The following MAP1S variants were observed in gnomAD, a reference collection of about 807,000 sequenced individuals.
MAP1S encodes microtubule associated protein 1S, also known as microtubule-associated protein 1S.
In MAP1S, 27 loss-of-function variants were observed where a neutral mutation model predicts 60.9. The ratio of observed to expected loss-of-function variants is 0.44; its 90% confidence interval spans 0.33 to 0.61. MAP1S has a LOEUF of 0.61. Ranked by LOEUF, MAP1S falls within the 20% of genes least tolerant of loss-of-function variation. The probability of loss-of-function intolerance (pLI) is 0.03; values close to 1 mark genes in which losing one functional copy is unlikely to be tolerated. For synonymous variants in MAP1S, 826 were observed against 694.2 expected (o/e 1.19, Z -2.98); for missense variants, 1,608 against 1,486.6 (o/e 1.08, Z -1.34).
Position 17,724,227 on chromosome 19 carries a change from C to T in MAP1S, c.303+19C>T. The T allele has an allele frequency of 6.2e-7, 1 of 1,608,484 alleles. No individual in the cohort carries two copies. The highest frequency in any genetic ancestry group is 1.1e-5 in the South Asian group (1 of 90,966). On this transcript the variant is annotated intron_variant, in intron 3 of 6. Coordinates refer to ENST00000324096, the MANE Select transcript of MAP1S (RefSeq NM_018174.6). The stretch of plus-strand genomic sequence containing the variant: ...TGATGAGGTAGGGAATGGCTGACGT[C>T]CTGGAGGGGGCGGGCTGCTGGGACC...
chr19:17,733,151 C>A, intron 5 of MAP1S, 42 bp from the exon 6 acceptor site: 2 of 1,366,458 alleles, frequency 1.5e-6, no homozygotes, highest in Non-Finnish European at 2.0e-6. Context: ...CCCTCCCCAG[C>A]CCCAGGAGCT....
intron 1 of MAP1S, 123 bp downstream of exon 1, chr19:17,719,743 G>A (rs1204991688): frequency 7.1e-6 from 2 of 280,744 alleles, no homozygotes; most frequent in Non-Finnish European, 5.4e-6. Context: ...CGGGGCGGGG[G>A]TCGCGGGCCT....
intron 2 of MAP1S, among the ~76,000 whole-genome samples, chr19:17,723,271 G>T (rs1007058378): frequency 5.3e-5 from 8 of 152,236 alleles, no homozygotes; most frequent in Non-Finnish European, 1.2e-4. Context: ...GGCCGGATGG[G>T]TGCAGTGGGT....
At chr19:17,732,924 C>T in intron 5 of MAP1S, 2 of 468,724 alleles carry the variant, frequency 4.3e-6, no homozygotes, top group Non-Finnish European at 7.5e-6. Context: ...TGGTGACATG[C>T]ACCTGTAGTC....
Position 17,727,397 on chromosome 19 carries a change from A to C in MAP1S, c.2013A>C (p.Thr671=). 6.3e-7 allele frequency: 1 copy of C among 1,596,570 alleles called. No individual in the cohort carries two copies. ...AGGCCGGGCCAGACGCCTCACCCAC[A>C]GTGACCACACCCACGGTGACCACGC... ...GGEAGPDASP[T]VTTPTVTTPS... The change falls in exon 5 of 7, where the codon ACA becomes ACC. Residue 671 remains threonine (T), a synonymous_variant. Coordinates refer to ENST00000324096, the MANE Select transcript of MAP1S (RefSeq NM_018174.6). This position sits in a 1 kb window ranked among gnomAD's most constrained non-coding sequence, Gnocchi z 4.1.
intron 2 of MAP1S, among the ~76,000 whole-genome samples, chr19:17,723,700 CTT>C (rs1323548522): frequency 6.6e-6 from 1 of 150,818 alleles, no homozygotes; most frequent in African/African-American, 2.4e-5. Flanking sequence ...AATACAAAAA[CTT>C]AGCCGGGTGT....
rs749473307 is a variant in MAP1S at position 17,727,971 on chromosome 19, C to T, written c.2587C>T (p.Arg863Trp). ...GCAAACGGAGAACGTCAGCCGCACC[C>T]GGAAGCCCCTGGCCCGCCCCAACTC... ...ARQTENVSRT[R>W]KPLARPNSRA... The change falls in exon 5 of 7, where the codon CGG becomes TGG. Residue 863 changes from arginine to tryptophan, a missense_variant. Arg to Trp is a moderately radical substitution (Grantham distance 101). Transcript: ENST00000324096. The surrounding 1 kb of genome is among the most constrained non-coding windows in gnomAD (Gnocchi z 4.1). 11 of 1,608,788 alleles carry T rather than the reference C, an allele frequency of 6.8e-6. No individual in the cohort carries two copies. Among genetic ancestry groups the T allele is most frequent in the Middle Eastern group, 1.6e-4 (1 of 6,064 alleles).
intron 1 of MAP1S, chr19:17,720,706 G>T (rs1213264978): frequency 1.1e-5 from 7 of 624,816 alleles, no homozygotes; most frequent in African/African-American, 3.7e-5. Flanking sequence ...GATGGAGGAG[G>T]TGGAGGCTTT....
Position 17,728,099 on chromosome 19 carries a change from C to T in MAP1S, c.2715C>T (p.Pro905=), listed in dbSNP as rs2080459977. Residue 905 remains proline (P), a synonymous_variant, in exon 5 of 7, where the codon CCC becomes CCT. Transcript: ENST00000324096. ...ASRPLSARSE[P]SEKGGRAPLS... Reference sequence around the variant, plus strand: ...GACCACTCAGTGCCCGGAGTGAGCCCAGTGAGAAGGGAGGCCGGGCACCCC... The same window carrying T: ...GACCACTCAGTGCCCGGAGTGAGCCTAGTGAGAAGGGAGGCCGGGCACCCC... 6.2e-7 allele frequency: 1 copy of T among 1,612,284 alleles called. No individual in the cohort carries two copies. Among genetic ancestry groups the T allele is most frequent in the Admixed American group, 1.7e-5 (1 of 59,926 alleles).
At chr19:17,724,019 G>C (rs999784048) in intron 2 of MAP1S, 107 bp from the exon 3 acceptor site, 37 of 793,584 alleles carry the variant, frequency 4.7e-5, no homozygotes, top group Non-Finnish European at 6.4e-5. Context: ...CCGTGCGCCT[G>C]TTAATCTCCA....
intron 2 of MAP1S, among the ~76,000 whole-genome samples, chr19:17,722,571 A>G (rs1320572263): frequency 6.6e-6 from 1 of 152,108 alleles, no homozygotes. Context: ...CAGTATGGTG[A>G]CACCCCATCT....
intron 2 of MAP1S, among the ~76,000 whole-genome samples, chr19:17,723,552 AAAAAAG>A (rs1282686378): frequency 6.8e-6 from 1 of 147,998 alleles, no homozygotes; most frequent in Non-Finnish European, 1.5e-5. Context: ...CCGTCTCAAA[AAAAAAG>A]AAAAGAAAAA....
intron 6 of MAP1S, 63 bp from the exon 7 acceptor site, chr19:17,734,210 G>A: frequency 6.9e-7 from 1 of 1,439,274 alleles, no homozygotes; most frequent in East Asian, 2.4e-5. Context: ...CAGGCCAGAA[G>A]GGCAGGGGGC....
At chr19:17,732,891 G>C (rs1344099913) in intron 5 of MAP1S, 1 of 396,862 alleles carries the variant, frequency 2.5e-6, no homozygotes, top group African/African-American at 2.1e-5. Flanking sequence ...TAGAGTGAGT[G>C]AAGAGTCACT....
Position 17,727,428 on chromosome 19 carries a change from C to G in MAP1S, c.2044C>G (p.Leu682Val). 3 of 1,601,658 alleles carry G rather than the reference C, an allele frequency of 1.9e-6. No homozygotes were observed. The highest frequency in any genetic ancestry group is 2.6e-6 in the Non-Finnish European group (3 of 1,174,746). Reference sequence around the variant, plus strand: ...CACACCCACGGTGACCACGCCCTCACTACCCGCAGAGGTGGGCTCCCCGCA... The same window carrying G: ...CACACCCACGGTGACCACGCCCTCAGTACCCGCAGAGGTGGGCTCCCCGCA... ...VTTPTVTTPS[L>V]PAEVGSPHST... Residue 682 changes from leucine to valine, a missense_variant, in exon 5 of 7, where the codon CTA becomes GTA. By Grantham distance (32) the Leu-to-Val change is conservative (BLOSUM62 1). Around this residue, in one of 4 missense-constraint regions of MAP1S, gnomAD observed 1,167 missense variants for 961.4 expected, o/e 1.21. Coordinates refer to ENST00000324096, the MANE Select transcript of MAP1S (RefSeq NM_018174.6). The surrounding 1 kb of genome is among the most constrained non-coding windows in gnomAD (Gnocchi z 4.1).
Position 17,734,458 on chromosome 19 carries a change from C to T in MAP1S, c.*30C>T, listed in dbSNP as rs2080522022. On this transcript the variant is annotated 3_prime_UTR_variant, in exon 7 of 7. Transcript: ENST00000324096. Reference sequence around the variant, plus strand: ...ATCGCCGACACGCCCCCCACTCAGCCCAGCCCGCCTGTCCCTAGATTCAGC... The same window carrying T: ...ATCGCCGACACGCCCCCCACTCAGCTCAGCCCGCCTGTCCCTAGATTCAGC... The T allele has an allele frequency of 6.3e-7, 1 of 1,587,662 alleles. No homozygotes were observed.
Position 17,726,792 on chromosome 19 carries a change from G to T in MAP1S, c.1408G>T (p.Ala470Ser). 1.3e-6 allele frequency: 2 copies of T among 1,557,780 alleles called. No homozygotes were observed. Among genetic ancestry groups the T allele is most frequent in the Non-Finnish European group, 1.7e-6 (2 of 1,152,454 alleles). Residue 470 changes from alanine to serine, a missense_variant, in exon 5 of 7, where the codon GCC (alanine) becomes TCC (serine). By Grantham distance (99) the Ala-to-Ser change is moderately conservative (BLOSUM62 1). Around this residue, in one of 4 missense-constraint regions of MAP1S, gnomAD observed 1,167 missense variants for 961.4 expected, o/e 1.21. Coordinates refer to ENST00000324096, the MANE Select transcript of MAP1S (RefSeq NM_018174.6). The stretch of plus-strand genomic sequence containing the variant: ...CCAGGACCTGGAGGGGCCGGGGCGA[G>T]CCGAGAGCAAAGAGAGCGTGGGCTC... ...TPQDLEGPGR[A>S]ESKESVGSRD...
chr19:17,734,255 C>A lies in MAP1S; in HGVS notation c.3025-18C>A, dbSNP rs145659666. 1,055 of 1,588,522 alleles carry A rather than the reference C, an allele frequency of 6.6e-4. 2 individuals carry two copies. The highest frequency in any genetic ancestry group is 1.5e-3 in the African/African-American group (112 of 74,458). On this transcript the variant is annotated intron_variant, in intron 6 of 6. Coordinates refer to ENST00000324096, the MANE Select transcript of MAP1S (RefSeq NM_018174.6). ...ACTGGTGGTCCACTCTCCCCACACA[C>A]CCCCCCTCCACCTGCAGGTGACCCT... is the stretch of plus-strand genomic sequence containing the variant.
chr19:17,727,259 G>A lies in MAP1S; in HGVS notation c.1875G>A (p.Glu625=). ...CAGCCGGGGAGGAGAAGGCACTGGA[G>A]CTGCCTTTGGCCGCCAGCTCAATCC... The part of the protein sequence containing the change: ...PIPAGEEKAL[E]LPLAASSIPR... The change falls in exon 5 of 7, where the codon GAG becomes GAA. Residue 625 remains glutamate, a synonymous_variant. Transcript: ENST00000324096. This position sits in a 1 kb window ranked among gnomAD's most constrained non-coding sequence, Gnocchi z 4.1. 6.4e-7 allele frequency: 1 copy of A among 1,574,140 alleles called. No individual in the cohort carries two copies. Among genetic ancestry groups the A allele is most frequent in the African/African-American group, 1.3e-5 (1 of 74,124 alleles).
Sources: gnomAD v4.1 joint callset for allele counts (sites outside exome capture counted in the v4.1 genomes callset) on GRCh38, gnomAD v4.1.1 for gene constraint, gnomAD v4.1.1 regional missense constraint, Gnocchi (gnomAD v3.1) non-coding constraint, MANE v1.5 for transcripts, NCBI Gene and HGNC (gene_info 2026-07-23, HGNC 2026-07-21) for gene names.